The following FNDC3B variants were observed in gnomAD, a reference collection of about 807,000 sequenced individuals.
FNDC3B encodes the protein fibronectin type III domain containing 3B.
In FNDC3B, 12 loss-of-function variants were observed where a neutral mutation model predicts 151.5. The ratio of observed to expected loss-of-function variants is 0.08; its 90% CI spans 0.05 to 0.13. FNDC3B has a LOEUF of 0.13. Among genes scored for constraint, FNDC3B ranks in the 10% least tolerant of loss-of-function variants. The pLI is 1.00. For synonymous variants in FNDC3B, 528 were observed against 549.0 expected (o/e 0.96, Z 0.54); for missense variants, 1,214 against 1,505.3 (o/e 0.81, Z 3.20).
Position 172,110,261 on chromosome 3 carries a change from C to A in FNDC3B, c.-28-2191C>A, listed in dbSNP as rs538465702. Among the ~76,000 whole-genome samples, 4 of 152,232 alleles carry A rather than the reference C, an allele frequency of 2.6e-5. No individual in the cohort carries two copies. The South Asian group carries it at 8.3e-4, about 32-fold the overall frequency. Reference sequence around the variant, plus strand: ...TCTTCTCTTACTCAGTTCAACCTCCCCATTCCCTCACAGGACTCACACAAG... The same window carrying A: ...TCTTCTCTTACTCAGTTCAACCTCCACATTCCCTCACAGGACTCACACAAG... On this transcript the variant is annotated intron_variant, in intron 1 of 25. Transcript: ENST00000415807.
At chr3:172,130,160 G>C (rs1169224347) in intron 2 of FNDC3B, among the ~76,000 whole-genome samples, 3 of 152,272 alleles carry the variant, frequency 2.0e-5, no homozygotes, top group African/African-American at 7.2e-5. Context: ...CATTGGGCTG[G>C]TGTGTGTCAA....
At chr3:172,093,473 T>C (rs935404888) in intron 1 of FNDC3B, among the ~76,000 whole-genome samples, 15 of 151,796 alleles carry the variant, frequency 9.9e-5, no homozygotes, top group Non-Finnish European at 2.1e-4. Context: ...TTAGCCAGGA[T>C]GGTCTCGATC....
Position 172,381,070 on chromosome 3 carries a change from G to A in FNDC3B, c.3280G>A (p.Gly1094Arg), listed in dbSNP as rs1458430994. The change falls in exon 25 of 26, where the codon GGA becomes AGA. Residue 1094 changes from glycine (G) to arginine (R), a missense_variant. By Grantham distance (125) the Gly-to-Arg change is moderately radical. Transcript: ENST00000415807. ...PVNYILQVLV[G>R]RESEYKQVYK... ...TAACTACATTCTGCAGGTATTGGTT[G>A]GAAGAGAATCTGAGTACAAACAGGT... 1 of 1,613,652 alleles carries A rather than the reference G, an allele frequency of 6.2e-7. No individual in the cohort carries two copies. Among genetic ancestry groups the A allele is most frequent in the Non-Finnish European group, 8.5e-7 (1 of 1,179,658 alleles).
chr3:172,113,858 T>G (rs530038710), intron 2 of FNDC3B, among the ~76,000 whole-genome samples: 1 of 152,320 alleles, frequency 6.6e-6, no homozygotes, highest in Non-Finnish European at 1.5e-5. Flanking sequence ...CTCTGTGTTC[T>G]CATCTTCCTC....
At chr3:172,360,748 A>T (rs531429541) in intron 22 of FNDC3B, among the ~76,000 whole-genome samples, 1 of 152,234 alleles carries the variant, frequency 6.6e-6, no homozygotes, top group African/African-American at 2.4e-5. Context: ...CCATTTGTGT[A>T]GGTCTATTTC....
Position 172,040,381 on chromosome 3 carries a change from C to G in FNDC3B, c.-29+610C>G, listed in dbSNP as rs191658371. On this transcript the variant is annotated intron_variant, in intron 1 of 25. Coordinates refer to ENST00000415807, the MANE Select transcript of FNDC3B (RefSeq NM_022763.4). This position sits in a 1 kb window ranked among gnomAD's most constrained non-coding sequence, Gnocchi z 6.6. Reference sequence around the variant, plus strand: ...ATGCTCGCGGGGAGGGTCCCGAGCCCGCGCCGGCCTGGCCCCCCCGTCCCC... The same window carrying G: ...ATGCTCGCGGGGAGGGTCCCGAGCCGGCGCCGGCCTGGCCCCCCCGTCCCC... Among the ~76,000 whole-genome samples the G allele has an allele frequency of 6.6e-5, 10 of 151,944 alleles. No homozygotes were observed. The South Asian group carries it at 1.2e-3, about 19-fold the overall frequency.
Position 172,352,876 on chromosome 3 carries a change from C to T in FNDC3B, c.2588C>T (p.Pro863Leu). The part of the protein sequence containing the change: ...LCQTPASAPD[P>L]VSTLCVLEEE... Reference sequence around the variant, plus strand: ...CAGACGCCAGCGTCTGCCCCTGACCCCGTCTCCACTCTCTGTGTCCTGGAG... The same window carrying T: ...CAGACGCCAGCGTCTGCCCCTGACCTCGTCTCCACTCTCTGTGTCCTGGAG... Residue 863 changes from proline to leucine, a missense_variant, in exon 22 of 26, where the codon CCC becomes CTC. By Grantham distance (98) the Pro-to-Leu change is moderately conservative. Transcript: ENST00000415807. This position sits in a 1 kb window ranked among gnomAD's most constrained non-coding sequence, Gnocchi z 4.2. 3 of 1,614,222 alleles carry T rather than the reference C, an allele frequency of 1.9e-6. No homozygotes were observed. Among genetic ancestry groups the T allele is most frequent in the Non-Finnish European group, 1.7e-6 (2 of 1,180,038 alleles).
intron 5 of FNDC3B, among the ~76,000 whole-genome samples, chr3:172,248,005 C>T (rs899641278): frequency 6.6e-6 from 1 of 152,128 alleles, no homozygotes; most frequent in African/African-American, 2.4e-5. Flanking sequence ...AACTCGGCCC[C>T]AACCCCCACC....
chr3:172,120,786 C>T (rs1720502967), intron 2 of FNDC3B, among the ~76,000 whole-genome samples: 1 of 152,040 alleles, frequency 6.6e-6, no homozygotes, highest in African/African-American at 2.4e-5. Flanking sequence ...ACCAGCCTGA[C>T]CAACACGGTG....
intron 2 of FNDC3B, among the ~76,000 whole-genome samples, chr3:172,126,228 G>GT (rs1720803919): frequency 2.6e-5 from 4 of 152,108 alleles, no homozygotes; most frequent in Non-Finnish European, 4.4e-5. Context: ...GCATAGAATC[G>GT]GCTGTGTGCT....
chr3:172,148,686 C>G (rs1684129975), intron 3 of FNDC3B: 1 of 152,142 alleles, frequency 6.6e-6, no homozygotes, highest in Non-Finnish European at 1.5e-5. Context: ...TTAAAAAAAT[C>G]TATTTCAAGC....
chr3:172,352,087 G>A lies in FNDC3B; in HGVS notation c.2515-716G>A, dbSNP rs1733883971. Among the ~76,000 whole-genome samples, 1 of 152,168 alleles carries A rather than the reference G, an allele frequency of 6.6e-6. No homozygotes were observed. Among genetic ancestry groups the A allele is most frequent in the African/African-American group, 2.4e-5 (1 of 41,444 alleles). On this transcript the variant is annotated intron_variant, in intron 21 of 25. Transcript: ENST00000415807. This position sits in a 1 kb window ranked among gnomAD's most constrained non-coding sequence, Gnocchi z 4.2. ...AAGAGGAGGTACCGAAGTACTGAGG[G>A]CTGATACTCACCAGCGTTAAGAGTT... is the stretch of plus-strand genomic sequence containing the variant.
At chr3:172,294,641 G>A (rs1201967412) in intron 7 of FNDC3B, among the ~76,000 whole-genome samples, 1 of 152,188 alleles carries the variant, frequency 6.6e-6, no homozygotes, top group Non-Finnish European at 1.5e-5. Context: ...GCCCATGCGG[G>A]GGTCTATCAA....
intron 3 of FNDC3B, among the ~76,000 whole-genome samples, chr3:172,162,247 G>A (rs567144115): frequency 1.2e-4 from 18 of 152,114 alleles, no homozygotes; most frequent in Non-Finnish European, 2.6e-4. Flanking sequence ...CCAAAGTGTT[G>A]GGATTATAGG....
chr3:172,083,794 T>G (rs540649149), intron 1 of FNDC3B, among the ~76,000 whole-genome samples: 1 of 152,270 alleles, frequency 6.6e-6, no homozygotes, highest in African/African-American at 2.4e-5. Context: ...AAAAAAATAC[T>G]AAAAGAAATC....
chr3:172,309,505 G>A (rs73033126), intron 10 of FNDC3B, among the ~76,000 whole-genome samples: 7,743 of 152,102 alleles, frequency 0.051, 722 homozygotes, highest in African/African-American at 0.18. Flanking sequence ...TTTGTCAGTT[G>A]TTTATAACTT....
intron 6 of FNDC3B, among the ~76,000 whole-genome samples, chr3:172,282,665 G>T (rs974703447): frequency 1.3e-5 from 2 of 152,154 alleles, no homozygotes; most frequent in African/African-American, 2.4e-5. Flanking sequence ...GGACTGAGCA[G>T]ATCTCCTCTG....
chr3:172,148,870 C>G (rs139910576), intron 3 of FNDC3B, among the ~76,000 whole-genome samples: 1 of 152,098 alleles, frequency 6.6e-6, no homozygotes. Context: ...TCCTCAGAAG[C>G]GAATAGAATG....
intron 1 of FNDC3B, among the ~76,000 whole-genome samples, chr3:172,042,713 A>G (rs769547344): frequency 3.3e-5 from 5 of 152,180 alleles, no homozygotes; most frequent in Admixed American, 6.5e-5. Context: ...GTGTCATCCA[A>G]TGGAATTTTC....
Sources: gnomAD v4.1 joint callset for allele counts (sites outside exome capture counted in the v4.1 genomes callset) on GRCh38, gnomAD v4.1.1 for gene constraint, Gnocchi (gnomAD v3.1) non-coding constraint, MANE v1.5 for transcripts, NCBI Gene and HGNC (gene_info 2026-07-23, HGNC 2026-07-21) for gene names.